Variants in IQUB observed in about 807,000 individuals in gnomAD.
IQUB encodes the protein IQ motif and ubiquitin domain containing, also known as IQ motif and ubiquitin-like domain-containing protein.
IQUB carries 86 observed loss-of-function variants against 86.4 expected under a neutral mutation model. The observed-to-expected ratio is 1.00, with a 90% confidence interval of 0.84 to 1.19. IQUB has a LOEUF of 1.19. Among genes scored for constraint, IQUB ranks in the 50% most tolerant of loss-of-function variants. The pLI is 0.00. For missense variants in IQUB, 946 were observed against 916.9 expected (o/e 1.03, Z -0.41); for synonymous variants, 289 against 304.5 (o/e 0.95, Z 0.53).
At chr7:123,493,184 C>T (rs907626300) in intron 7 of IQUB, among the ~76,000 whole-genome samples, 1 of 152,092 alleles carries the variant, frequency 6.6e-6, no homozygotes, top group Admixed American at 6.6e-5. Flanking sequence ...CGTTGTCCCC[C>T]AAACACAGGG....
chr7:123,460,783 C>T (rs1023214783), intron 11 of IQUB, among the ~76,000 whole-genome samples: 6 of 151,844 alleles, frequency 4.0e-5, no homozygotes, highest in African/African-American at 7.2e-5. Flanking sequence ...GTTAGGAATT[C>T]AGGTCAGAAT....
At chr7:123,483,916 T>C (rs1168959625) in intron 7 of IQUB, among the ~76,000 whole-genome samples, 1 of 152,130 alleles carries the variant, frequency 6.6e-6, no homozygotes, top group Non-Finnish European at 1.5e-5. Context: ...ATTTGCCTTC[T>C]TCTAATAAAA....
At chr7:123,468,438 T>C (rs1794357755) in intron 9 of IQUB, among the ~76,000 whole-genome samples, 1 of 152,218 alleles carries the variant, frequency 6.6e-6, no homozygotes, top group African/African-American at 2.4e-5. Context: ...TCCTGGCAGA[T>C]TGGTGGCTGA....
intron 11 of IQUB, among the ~76,000 whole-genome samples, chr7:123,460,975 T>G (rs1039764160): frequency 1.3e-5 from 2 of 151,488 alleles, no homozygotes; most frequent in Non-Finnish European, 3.0e-5. Flanking sequence ...CCCTAAGGTT[T>G]TTTTTTTTTT....
Position 123,452,943 on chromosome 7 carries a change from A to T in IQUB, c.2194-18T>A. ...TCATATCCCTGCAAAGAAAAAAATC[A>T]AATTCTAGTAAATATCACAGATATA... On this transcript the variant is annotated intron_variant, in intron 12 of 12. Transcript: ENST00000324698. 1 of 1,578,628 alleles carries T rather than the reference A, an allele frequency of 6.3e-7. No homozygotes were observed. The highest frequency in any genetic ancestry group is 8.6e-7 in the Non-Finnish European group (1 of 1,157,532).
At chr7:123,516,438 T>A (rs1796640834) in intron 1 of IQUB, among the ~76,000 whole-genome samples, 1 of 152,162 alleles carries the variant, frequency 6.6e-6, no homozygotes, top group Non-Finnish European at 1.5e-5. Context: ...AAATGTGTTT[T>A]ATGTGGCTTT....
intron 6 of IQUB, among the ~76,000 whole-genome samples, chr7:123,500,789 TAAGTC>T (rs764789102): frequency 2.0e-5 from 3 of 152,106 alleles, no homozygotes; most frequent in Admixed American, 1.3e-4. Context: ...TCTGCTCTAC[TAAGTC>T]AAGTTAACAC....
intron 11 of IQUB, among the ~76,000 whole-genome samples, chr7:123,460,223 T>C (rs1793918617): frequency 6.6e-6 from 1 of 151,876 alleles, no homozygotes; most frequent in African/African-American, 2.4e-5. Flanking sequence ...CCTATTTTGA[T>C]AGGATTTTTG....
intron 6 of IQUB, chr7:123,502,361 T>C (rs1396043637): frequency 1.2e-5 from 6 of 486,684 alleles, no homozygotes; most frequent in Admixed American, 4.0e-5. Context: ...CCAAAGGCAA[T>C]ACACAAAGAA....
Position 123,452,195 on chromosome 7 carries a change from G to A in IQUB, c.*548C>T, listed in dbSNP as rs1235410756. ...AAGGTTTTTTGTTTATTTATAAATAGTTTCAAGTGTTGTTTTATTGGGATT... is the reference window on the plus strand; with the variant it reads ...AAGGTTTTTTGTTTATTTATAAATAATTTCAAGTGTTGTTTTATTGGGATT... On this transcript the variant is annotated 3_prime_UTR_variant, in exon 13 of 13. Coordinates refer to ENST00000324698, the MANE Select transcript of IQUB (RefSeq NM_178827.5). Among the ~76,000 whole-genome samples the A allele has an allele frequency of 6.6e-6, 1 of 151,984 alleles. No individual in the cohort carries two copies. Among genetic ancestry groups the A allele is most frequent in the Non-Finnish European group, 1.5e-5 (1 of 68,012 alleles).
intron 7 of IQUB, among the ~76,000 whole-genome samples, chr7:123,491,611 C>A (rs1795468394): frequency 6.6e-6 from 1 of 152,086 alleles, no homozygotes; most frequent in Admixed American, 6.6e-5. Context: ...CCTTTAAAGA[C>A]AATAACTATC....
chr7:123,469,211 T>C lies in IQUB; in HGVS notation c.1581+3A>G, dbSNP rs549579150. 2.0e-5 allele frequency: 30 copies of C among 1,510,242 alleles called. No homozygotes were observed. In the East Asian group the frequency reaches 6.9e-4, roughly 35 times the overall value. The allele number at this position is 1,510,242 out of a possible 1,614,324, so 93.6% of individuals were successfully genotyped here. A position where few individuals can be genotyped will look rare whatever the true frequency, so the allele number is the denominator to read the frequency against. ...CCCCCAAACTAAGAGAAAGTTAACATACCTTTACAGTGTGTTTAAGAGTTA... is the reference window on the plus strand; with the variant it reads ...CCCCCAAACTAAGAGAAAGTTAACACACCTTTACAGTGTGTTTAAGAGTTA... On this transcript the variant is annotated splice_donor_region_variant and intron_variant, in intron 9 of 12. Coordinates refer to ENST00000324698, the MANE Select transcript of IQUB (RefSeq NM_178827.5).
At chr7:123,525,053 A>C (rs1322624076) in intron 1 of IQUB, among the ~76,000 whole-genome samples, 1 of 152,230 alleles carries the variant, frequency 6.6e-6, no homozygotes, top group Non-Finnish European at 1.5e-5. Context: ...GATGAAGCCC[A>C]CTTGATCATG....
chr7:123,484,148 G>A lies in IQUB; in HGVS notation c.1235-4178C>T, dbSNP rs144926187. On this transcript the variant is annotated intron_variant, in intron 7 of 12. Transcript: ENST00000324698. Reference sequence around the variant, plus strand: ...AAAGAATCCGCTCTGTCCTTTATCAGGAATACATCATTCAGAAACTGTACA... The same window carrying A: ...AAAGAATCCGCTCTGTCCTTTATCAAGAATACATCATTCAGAAACTGTACA... Among the ~76,000 whole-genome samples the A allele has an allele frequency of 2.2e-3, 328 of 152,026 alleles. 1 individual carries two copies. The highest frequency in any genetic ancestry group is 7.6e-3 in the African/African-American group (315 of 41,500).
At chr7:123,490,342 CAT>C in intron 7 of IQUB, among the ~76,000 whole-genome samples, 1 of 152,076 alleles carries the variant, frequency 6.6e-6, no homozygotes, top group Non-Finnish European at 1.5e-5. Context: ...ATCAACAAGA[CAT>C]AGTAATGCTA....
intron 5 of IQUB, 69 bp from the exon 6 acceptor site, chr7:123,502,821 A>T: frequency 1.5e-6 from 2 of 1,373,800 alleles, no homozygotes; most frequent in South Asian, 1.4e-5. Context: ...TTTTCTACAT[A>T]TGTGAGTTCA....
At chr7:123,470,757 A>G (rs567258230) in intron 8 of IQUB, among the ~76,000 whole-genome samples, 1 of 152,070 alleles carries the variant, frequency 6.6e-6, no homozygotes, top group East Asian at 1.9e-4. Flanking sequence ...AGGCTGAGGC[A>G]GGAGAATGGC....
intron 7 of IQUB, among the ~76,000 whole-genome samples, chr7:123,494,062 T>C (rs1795607541): frequency 6.6e-6 from 1 of 152,140 alleles, no homozygotes; most frequent in African/African-American, 2.4e-5. Flanking sequence ...TATAAAATTT[T>C]TAAATAGACA....
At chr7:123,468,258 T>C (rs1338653959) in intron 9 of IQUB, among the ~76,000 whole-genome samples, 1 of 152,064 alleles carries the variant, frequency 6.6e-6, no homozygotes, top group Non-Finnish European at 1.5e-5. Context: ...CTAAAATAGA[T>C]AGTAGAGGAA....
Sources: allele counts gnomAD v4.1 joint callset (sites outside exome capture counted in the v4.1 genomes callset), GRCh38; gene constraint gnomAD v4.1.1; transcripts MANE v1.5; gene names NCBI Gene and HGNC (gene_info 2026-07-23, HGNC 2026-07-21).